ATP2C1: variants seen among roughly 807,000 people sequenced by gnomAD.
The protein encoded by ATP2C1 is calcium-transporting ATPase type 2C member 1.
ATP2C1 carries 31 observed loss-of-function variants against 120.5 expected under a neutral mutation model. The observed-to-expected ratio is 0.26, with a 90% CI of 0.19 to 0.35. The LOEUF (loss-of-function observed/expected upper bound fraction) is 0.35, where lower values mean the gene tolerates loss of function less well. Among genes scored for constraint, ATP2C1 ranks in the 10% least tolerant of loss-of-function variants. The pLI is 1.00. For synonymous variants in ATP2C1, 351 were observed against 358.7 expected (o/e 0.98, Z 0.24); for missense variants, 731 against 1,107.5 (o/e 0.66, Z 4.83).
intron 20 of ATP2C1, among the ~76,000 whole-genome samples, chr3:130,987,105 A>G (rs1236011630): frequency 6.6e-6 from 1 of 150,478 alleles, no homozygotes; most frequent in Non-Finnish European, 1.5e-5. Flanking sequence ...TGCTTGGGTA[A>G]TTAAAAAAAA....
In ATP2C1 at chr3:130,933,682, TA is replaced by T. The variant is rs983452776; in HGVS notation, c.235-934del. On this transcript the variant is annotated intron_variant, in intron 4 of 27. Coordinates refer to ENST00000510168, the MANE Select transcript of ATP2C1 (RefSeq NM_001378687.1). The stretch of plus-strand genomic sequence containing the variant: ...TCGTTAGAATCACTTGGGGAGTGCT[TA>T]AAAAATGCTAAAGCCTGGGCCTTAT... Among the ~76,000 whole-genome samples, 8 of 152,190 alleles carry T rather than the reference TA, an allele frequency of 5.3e-5. 1 individual carries two copies. The highest frequency in any genetic ancestry group is 1.9e-4 in the African/African-American group (8 of 41,452).
At position 131,003,015 on chromosome 3, in the gene ATP2C1, G is replaced by C; in HGVS notation, c.*1665G>C. On this transcript the variant is annotated 3_prime_UTR_variant, in exon 28 of 28. Transcript: ENST00000510168. Reference sequence around the variant, plus strand: ...AATGATTTTTATTCTCTGTTACAAAGACTTGAAATACGTATTAAATGCACG... The same window carrying C: ...AATGATTTTTATTCTCTGTTACAAACACTTGAAATACGTATTAAATGCACG... The C allele has an allele frequency of 1.0e-6, 1 of 985,622 alleles. No homozygotes were observed. Among genetic ancestry groups the C allele is most frequent in the Non-Finnish European group, 1.2e-6 (1 of 829,772 alleles). The allele number at this position is 985,622 out of a possible 1,614,324, so 61.1% of individuals were successfully genotyped here. A position where few individuals can be genotyped will look rare whatever the true frequency, so the allele number is the denominator to read the frequency against.
chr3:130,972,253 C>T (rs1314648901), intron 17 of ATP2C1, among the ~76,000 whole-genome samples: 1 of 152,146 alleles, frequency 6.6e-6, no homozygotes, highest in Non-Finnish European at 1.5e-5. Context: ...CCCACTTCTT[C>T]TTTGTGGCTG....
intron 26 of ATP2C1, chr3:131,015,130 T>G: frequency 3.0e-6 from 2 of 658,204 alleles, no homozygotes; most frequent in Non-Finnish European, 5.5e-6. Context: ...AGCTCAGATA[T>G]AAGGCCCAGA....
intron 12 of ATP2C1, among the ~76,000 whole-genome samples, chr3:130,960,681 A>G (rs2060780866): frequency 6.6e-6 from 1 of 152,270 alleles, no homozygotes; most frequent in South Asian, 2.1e-4. Flanking sequence ...ATCCACAGCA[A>G]CATCAGATTG....
chr3:130,877,730 C>T (rs929505093), intron 1 of ATP2C1, among the ~76,000 whole-genome samples: 2 of 152,078 alleles, frequency 1.3e-5, no homozygotes, highest in Non-Finnish European at 2.9e-5. Flanking sequence ...GTCAGTGTGG[C>T]GATTCCTCAG....
At chr3:130,906,783 A>G (rs982128875) in intron 2 of ATP2C1, among the ~76,000 whole-genome samples, 53 of 150,436 alleles carry the variant, frequency 3.5e-4, no homozygotes, top group African/African-American at 1.2e-3. Flanking sequence ...GATCTTTTGC[A>G]TGGATTCTTC....
At chr3:130,960,903 T>A (rs2060790535) in intron 12 of ATP2C1, among the ~76,000 whole-genome samples, 1 of 152,048 alleles carries the variant, frequency 6.6e-6, no homozygotes, top group Admixed American at 6.6e-5. Context: ...GGCAAGAACT[T>A]ACTTAGGCAT....
intron 1 of ATP2C1, among the ~76,000 whole-genome samples, chr3:130,858,702 T>C (rs760551470): frequency 2.0e-5 from 3 of 152,182 alleles, no homozygotes; most frequent in Non-Finnish European, 4.4e-5. Flanking sequence ...GAGACTGAAG[T>C]ACTTGAAATA....
At chr3:130,886,932 T>C (rs2068988722) in intron 1 of ATP2C1, among the ~76,000 whole-genome samples, 1 of 152,172 alleles carries the variant, frequency 6.6e-6, no homozygotes, top group Non-Finnish European at 1.5e-5. Context: ...GTTAGGTATT[T>C]ATTGTAGTCT....
At chr3:130,912,991 A>G (rs1359372030) in intron 2 of ATP2C1, among the ~76,000 whole-genome samples, 9 of 148,118 alleles carry the variant, frequency 6.1e-5, no homozygotes, top group Non-Finnish European at 1.2e-4. Flanking sequence ...TTCTCAGTAA[A>G]CTATCGCAAG....
At chr3:130,856,700 C>T (rs1421266108) in intron 1 of ATP2C1, among the ~76,000 whole-genome samples, 1 of 152,154 alleles carries the variant, frequency 6.6e-6, no homozygotes, top group Non-Finnish European at 1.5e-5. Flanking sequence ...AGACAAAGCT[C>T]CCTAATGTGG....
At chr3:130,947,697 GACTTCTGTTGTT>G (rs1183056255) in intron 8 of ATP2C1, among the ~76,000 whole-genome samples, 2 of 152,112 alleles carry the variant, frequency 1.3e-5, no homozygotes, top group Admixed American at 6.6e-5. Flanking sequence ...GATAGGAAAG[GACTTCTGTTGTT>G]ACTTGTTTTC....
chr3:130,989,565 C>CA (rs56991562), intron 20 of ATP2C1, among the ~76,000 whole-genome samples: 20,797 of 114,384 alleles, frequency 0.18, 1,789 homozygotes, highest in Non-Finnish European at 0.22. Context: ...AACTCCATCT[C>CA]AAAAAAAAAA....
rs143199078 is a variant in ATP2C1 at position 130,955,015 on chromosome 3, G to C, written c.691G>C (p.Val231Leu). Reference protein sequence around the residue: ...TLVRCGKAKGVVIGTGENSEF... With the variant: ...TLVRCGKAKGLVIGTGENSEF... ...ATTTTCCTGTTTTTCCCCTTAGGGTGTTGTCATTGGAACAGGAGAAAATTC... is the reference window on the plus strand; with the variant it reads ...ATTTTCCTGTTTTTCCCCTTAGGGTCTTGTCATTGGAACAGGAGAAAATTC... The change falls in exon 10 of 28, where the codon GTT (valine) becomes CTT (leucine). Residue 231 changes from valine to leucine, a missense_variant. By Grantham distance (32) the Val-to-Leu change is conservative. Transcript: ENST00000510168. 3.1e-6 allele frequency: 5 copies of C among 1,611,162 alleles called. No homozygotes were observed. The East Asian group carries it at 1.1e-4, about 36-fold the overall frequency.
At chr3:131,010,187 CTTT>C (rs35503162) in intron 26 of ATP2C1, among the ~76,000 whole-genome samples, 19 of 87,966 alleles carry the variant, frequency 2.2e-4, no homozygotes, top group East Asian at 2.7e-4. Flanking sequence ...CTTTTTCTAT[CTTT>C]TTTTTTTTTT....
chr3:130,987,119 A>G (rs1436814218), intron 20 of ATP2C1, among the ~76,000 whole-genome samples: 6 of 151,712 alleles, frequency 4.0e-5, no homozygotes, highest in South Asian at 2.1e-4. Context: ...AAAAAAAAAA[A>G]AAAGAAAGAA....
intron 26 of ATP2C1, chr3:131,015,082 A>G (rs1419176119): frequency 5.7e-6 from 3 of 527,996 alleles, no homozygotes; most frequent in Non-Finnish European, 1.0e-5. Context: ...AGAAATAAAG[A>G]ATCCAGGGGT....
chr3:130,893,892 A>G, upstream of ATP2C1: 7 of 983,136 alleles, frequency 7.1e-6, no homozygotes, highest in Non-Finnish European at 8.5e-6. Context: ...AACATTGTCC[A>G]TTCCGGGCCG....
Sources: gnomAD v4.1 joint callset for allele counts (sites outside exome capture counted in the v4.1 genomes callset) on GRCh38, gnomAD v4.1.1 for gene constraint, MANE v1.5 for transcripts, NCBI Gene and HGNC (gene_info 2026-07-23, HGNC 2026-07-21) for gene names.